The following ACOX1 variants were observed in gnomAD, a reference collection of about 807,000 sequenced individuals.
ACOX1 encodes the protein peroxisomal acyl-coenzyme A oxidase 1.
In ACOX1, 41 loss-of-function variants were observed where a neutral mutation model predicts 75.5. The observed-to-expected ratio is 0.54, with a 90% CI of 0.42 to 0.70. The LOEUF (loss-of-function observed/expected upper bound fraction) is 0.70. ACOX1 is among the 30% of genes least tolerant of loss of function. The pLI is 0.00. For missense variants in ACOX1, 630 were observed against 837.5 expected (o/e 0.75, Z 3.06); for synonymous variants, 303 against 298.8 (o/e 1.01, Z -0.15).
At chr17:75,956,957 C>T (rs865920660) in intron 4 of ACOX1, among the ~76,000 whole-genome samples, 4 of 28,494 alleles carry the variant, frequency 1.4e-4, no homozygotes. Flanking sequence ...CTCTCTCTCT[C>T]TCTCTCTCTC....
chr17:75,957,623 A>G (rs2065845831), intron 3 of ACOX1, 57 bp from the exon 4 acceptor site: 5 of 1,406,426 alleles, frequency 3.6e-6, no homozygotes, highest in Non-Finnish European at 4.0e-6. Flanking sequence ...AATAGGCACA[A>G]GGAAAAATTT....
Position 75,955,601 on chromosome 17 carries a change from T to A in ACOX1, c.739A>T (p.Ile247Phe). 6.2e-7 allele frequency: 1 copy of A among 1,614,202 alleles called. No individual in the cohort carries two copies. The highest frequency in any genetic ancestry group is 8.5e-7 in the Non-Finnish European group (1 of 1,180,032). Residue 247 changes from isoleucine (I) to phenylalanine (F), a missense_variant, in exon 6 of 14, where the codon ATT becomes TTT. Coordinates refer to ENST00000293217, the MANE Select transcript of ACOX1 (RefSeq NM_004035.7). ...TTCATCAGCATGTTTTCTCTGGGAA[T>A]ACGATGGTTGTCCATTTTGAGGTAG... ...NGYLKMDNHR[I>F]PRENMLMKYA...
Position 75,955,580 on chromosome 17 carries a change from T to A in ACOX1, c.760A>T (p.Met254Leu), listed in dbSNP as rs1485195639. The part of the protein sequence containing the change: ...NHRIPRENML[M>L]KYAQVKPDGT... ...TCAAAACATACCTGGGCATACTTCA[T>A]CAGCATGTTTTCTCTGGGAATACGA... The change falls in exon 6 of 14, where the codon ATG becomes TTG. Residue 254 changes from methionine to leucine, a missense_variant. Transcript: ENST00000293217. The A allele has an allele frequency of 6.2e-7, 1 of 1,613,940 alleles. No individual in the cohort carries two copies.
At chr17:75,963,695 TAAA>T (rs34482950) in intron 2 of ACOX1, among the ~76,000 whole-genome samples, 274 of 134,136 alleles carry the variant, frequency 2.0e-3, no homozygotes, top group African/African-American at 6.5e-3. Context: ...AGACTCTATC[TAAA>T]AAAAAAAAAA....
chr17:75,962,020 G>C (rs2065893189), intron 2 of ACOX1, among the ~76,000 whole-genome samples: 1 of 152,114 alleles, frequency 6.6e-6, no homozygotes, highest in South Asian at 2.1e-4. Flanking sequence ...AATGCTTCTA[G>C]GCTGGGATTT....
In ACOX1 at chr17:75,948,394, G is replaced by C; in HGVS notation, c.1792C>G (p.Leu598Val). The change falls in exon 13 of 14, where the codon CTG becomes GTG. Residue 598 changes from leucine (L) to valine (V), a missense_variant. Around this residue, in one of 2 missense-constraint regions of ACOX1, gnomAD observed 240 missense variants for 262.7 expected, o/e 0.91. Transcript: ENST00000293217. ...AAAGCAACAGCATCTGAGCGAATCA[G>C]AGTGAGTAACTCCTTTACACGCTGG... ...VNQRVKELLT[L>V]IRSDAVALVD... 6.2e-7 allele frequency: 1 copy of C among 1,614,140 alleles called. No homozygotes were observed. Among genetic ancestry groups the C allele is most frequent in the Non-Finnish European group, 8.5e-7 (1 of 1,180,018 alleles).
At chr17:75,963,146 C>T (rs1050249818) in intron 2 of ACOX1, among the ~76,000 whole-genome samples, 5 of 151,862 alleles carry the variant, frequency 3.3e-5, no homozygotes, top group Admixed American at 2.6e-4. Flanking sequence ...AAAACAACAA[C>T]GAACAAAACA....
rs574370650 is a variant in ACOX1, at chr17:75,973,639, G to A, written c.269+4895C>T. On this transcript the variant is annotated intron_variant, in intron 2 of 13. Coordinates refer to ENST00000293217, the MANE Select transcript of ACOX1 (RefSeq NM_004035.7). ...TGTGGACTAACCGTGGCCCATTTCC[G>A]TCTGGGCGTAGGTGCCAATTATCTG... The A allele has an allele frequency of 2.5e-5, 41 of 1,614,180 alleles. 1 individual carries two copies. The highest frequency in any genetic ancestry group is 1.8e-4 in the South Asian group (16 of 91,082).
intron 6 of ACOX1, among the ~76,000 whole-genome samples, 182 bp downstream of exon 6, chr17:75,955,384 G>C (rs1416678996): frequency 6.6e-6 from 1 of 151,416 alleles, no homozygotes; most frequent in Non-Finnish European, 1.5e-5. Flanking sequence ...GACTGATCTT[G>C]AGCTCCTGGG....
chr17:75,963,429 C>T (rs1002324250), intron 2 of ACOX1, among the ~76,000 whole-genome samples: 5 of 152,110 alleles, frequency 3.3e-5, no homozygotes, highest in East Asian at 1.9e-4. Flanking sequence ...AGGCCGGGCG[C>T]GGTGGCTCAC....
intron 6 of ACOX1, among the ~76,000 whole-genome samples, chr17:75,954,568 CTTTTTTTTTTTT>C (rs778030630): frequency 8.6e-6 from 1 of 115,654 alleles, no homozygotes; most frequent in Non-Finnish European, 1.7e-5. Flanking sequence ...TTATTAGCTC[CTTTTTTTTTTTT>C]TTTTTTTTTG....
intron 4 of ACOX1, among the ~76,000 whole-genome samples, 198 bp from the exon 5 acceptor site, chr17:75,956,145 T>C (rs1465028221): frequency 6.6e-6 from 1 of 152,218 alleles, no homozygotes; most frequent in Admixed American, 6.5e-5. Context: ...TACTTTCTTT[T>C]CTACTTATTT....
chr17:75,957,114 C>T (rs1243199360), intron 4 of ACOX1, among the ~76,000 whole-genome samples: 6 of 148,290 alleles, frequency 4.0e-5, no homozygotes, highest in Non-Finnish European at 9.0e-5. Flanking sequence ...GAGACAAAGT[C>T]TTGCTGTGAT....
intron 4 of ACOX1, among the ~76,000 whole-genome samples, chr17:75,956,961 CTCTCTCTCTCTATATATATATATATATA>C (rs1181726651): frequency 4.9e-3 from 109 of 22,204 alleles, no homozygotes; most frequent in Admixed American, 0.017. Context: ...CTCTCTCTCT[CTCTCTCTCTCTATATATATATATATATA>C]TATATATATA....
rs116309575 is a variant in ACOX1, at chr17:75,941,614, T to C, written c.*5134A>G. Reference sequence around the variant, plus strand: ...ACCCGCAGTGCTGGCAGGTCACAGCTGTCCAACCATGATCCATTCACATGC... The same window carrying C: ...ACCCGCAGTGCTGGCAGGTCACAGCCGTCCAACCATGATCCATTCACATGC... On this transcript the variant is annotated 3_prime_UTR_variant, in exon 14 of 14. Coordinates refer to ENST00000293217, the MANE Select transcript of ACOX1 (RefSeq NM_004035.7). The C allele has an allele frequency of 5.4e-3, 828 of 152,430 alleles. 5 individuals are homozygous for C. Among genetic ancestry groups the C allele is most frequent in the African/African-American group, 0.016 (679 of 41,576 alleles). The allele number at this position is 152,430 out of a possible 1,614,324, so 9.4% of individuals were successfully genotyped here.
chr17:75,969,490 T>C (rs1598196958), intron 2 of ACOX1, among the ~76,000 whole-genome samples: 1 of 152,270 alleles, frequency 6.6e-6, no homozygotes, highest in Middle Eastern at 3.4e-3. Flanking sequence ...ATAAAGTTTA[T>C]ATTATTATCA....
chr17:75,951,097 G>T, intron 8 of ACOX1, 133 bp from the exon 9 acceptor site: 3 of 983,968 alleles, frequency 3.0e-6, no homozygotes, highest in East Asian at 2.6e-5. Context: ...AACTGAAGAA[G>T]CACAGCTGTC....
Position 75,950,522 on chromosome 17 carries a change from T to G in ACOX1, c.1298+252A>C, listed in dbSNP as rs138269925. 0.016 allele frequency among the ~76,000 whole-genome samples: 2,455 copies of G among 152,238 alleles called. 75 individuals are homozygous for G. Among genetic ancestry groups the G allele is most frequent in the African/African-American group, 0.052 (2,179 of 41,532 alleles). ...ACCTCAGCTTCCCAAAGTGCTGGGA[T>G]TACAGTCATGAGCCACTGTGCCCAG... On this transcript the variant is annotated intron_variant, in intron 9 of 13. Coordinates refer to ENST00000293217, the MANE Select transcript of ACOX1 (RefSeq NM_004035.7). This position sits in a 1 kb window ranked among gnomAD's most constrained non-coding sequence, Gnocchi z 4.3.
At chr17:75,964,966 T>C (rs1483202580) in intron 2 of ACOX1, among the ~76,000 whole-genome samples, 3 of 152,010 alleles carry the variant, frequency 2.0e-5, no homozygotes, top group African/African-American at 7.2e-5. Context: ...AGCATGAGTA[T>C]CATCCTAGGA....
Sources: gnomAD v4.1 joint callset for allele counts (sites outside exome capture counted in the v4.1 genomes callset) on GRCh38, gnomAD v4.1.1 for gene constraint, gnomAD v4.1.1 regional missense constraint, Gnocchi (gnomAD v3.1) non-coding constraint, MANE v1.5 for transcripts, NCBI Gene and HGNC (gene_info 2026-07-23, HGNC 2026-07-21) for gene names.